Variants in NLRP5 observed in about 807,000 individuals in gnomAD.
NLRP5 encodes NACHT, LRR and PYD domains-containing protein 5.
NLRP5 carries 93 observed loss-of-function variants against 113.1 expected under a neutral mutation model. The observed-to-expected ratio is 0.82, with a 90% CI of 0.70 to 0.98. NLRP5 has a LOEUF of 0.98. NLRP5 is among the 50% of genes least tolerant of loss of function. NLRP5 has a pLI of 0.00. For missense variants in NLRP5, 1,808 were observed against 1,514.3 expected, an observed-to-expected ratio of 1.19 and a Z score of -3.22; for synonymous variants, 751 against 600.7, an observed-to-expected ratio of 1.25 and a Z score of -3.66.
At chr19:56,033,156 C>T (rs1433420482) in intron 8 of NLRP5, among the ~76,000 whole-genome samples, 1 of 152,094 alleles carries the variant, frequency 6.6e-6, no homozygotes, top group African/African-American at 2.4e-5. Context: ...GAGGCTGAGG[C>T]AGGGGAATTG....
At chr19:56,022,242 C>T (rs949248927) in intron 6 of NLRP5, among the ~76,000 whole-genome samples, 2 of 152,060 alleles carry the variant, frequency 1.3e-5, no homozygotes, top group Non-Finnish European at 2.9e-5. Context: ...TTTTTTGAAA[C>T]AGGGTCTTGC....
chr19:56,040,728 G>A (rs982954760), intron 10 of NLRP5, among the ~76,000 whole-genome samples, 194 bp from the exon 11 acceptor site: 1 of 152,170 alleles, frequency 6.6e-6, no homozygotes, highest in African/African-American at 2.4e-5. Context: ...ACAATACTTA[G>A]AGTATTCTTT....
rs750951076 is a variant in NLRP5, at chr19:56,027,590, C to A, written c.1357C>A (p.Gln453Lys). Residue 453 changes from glutamine (Q) to lysine (K), a missense_variant, in exon 7 of 15, where the codon CAA (glutamine) becomes AAA (lysine). By Grantham distance (53) the Gln-to-Lys change is moderately conservative (BLOSUM62 1). Coordinates refer to ENST00000390649, the MANE Select transcript of NLRP5 (RefSeq NM_153447.4). ...CGGGATTGGTGAGCATCAGAAGACA[C>A]AAGGGTTGCGTGCGATCATGAACAA... The A allele has an allele frequency of 5.0e-6, 8 of 1,613,930 alleles. No homozygotes were observed. Among genetic ancestry groups the A allele is most frequent in the East Asian group, 2.2e-5 (1 of 44,880 alleles).
chr19:56,006,614 C>T (rs1407951276), intron 2 of NLRP5, among the ~76,000 whole-genome samples: 3 of 151,988 alleles, frequency 2.0e-5, no homozygotes, highest in Non-Finnish European at 4.4e-5. Flanking sequence ...CACCTGTAAT[C>T]CCAGCTACTT....
chr19:56,028,563 ACTG>A, intron 7 of NLRP5, 54 bp downstream of exon 7: 1 of 1,498,512 alleles, frequency 6.7e-7, no homozygotes, highest in Non-Finnish European at 9.1e-7. Context: ...CTGTGTCTCT[ACTG>A]CTGGGACTTG....
chr19:56,051,525 C>T (rs1490222566), intron 12 of NLRP5, among the ~76,000 whole-genome samples: 1 of 152,174 alleles, frequency 6.6e-6, no homozygotes, highest in Middle Eastern at 3.2e-3. Flanking sequence ...ATGTGGCAGG[C>T]AGAGCACTAA....
At chr19:56,008,746 T>C in intron 2 of NLRP5, 42 bp from the exon 3 acceptor site, 2 of 1,544,818 alleles carry the variant, frequency 1.3e-6, no homozygotes, top group Non-Finnish European at 1.8e-6. Context: ...GTAATTACAG[T>C]GACTTCATTG....
At chr19:56,048,977 T>TTAA (rs1555770465) in intron 11 of NLRP5, among the ~76,000 whole-genome samples, 11 of 115,370 alleles carry the variant, frequency 9.5e-5, no homozygotes, top group African/African-American at 1.6e-4. Flanking sequence ...TTTTTTTTTT[T>TTAA]AATTTTTTTT....
At chr19:56,031,917 G>C (rs772629601) in intron 7 of NLRP5, among the ~76,000 whole-genome samples, 4 of 152,094 alleles carry the variant, frequency 2.6e-5, no homozygotes, top group African/African-American at 9.7e-5. Flanking sequence ...AGTTCTTCCG[G>C]GTATACACCC....
At chr19:56,030,809 G>A in intron 7 of NLRP5, among the ~76,000 whole-genome samples, 1 of 135,666 alleles carries the variant, frequency 7.4e-6, no homozygotes, top group Non-Finnish European at 1.5e-5. Context: ...CCACCTCCTG[G>A]GTTCAAGCGA....
At chr19:55,993,737 G>A in the NLRP5 span, among the ~76,000 whole-genome samples, 1 of 149,264 alleles carries the variant, frequency 6.7e-6, no homozygotes, top group Admixed American at 6.7e-5. Flanking sequence ...AGTTTCCCAT[G>A]CCTGGTTTAT....
intron 10 of NLRP5, among the ~76,000 whole-genome samples, chr19:56,038,477 G>T (rs1413896984): frequency 6.6e-6 from 1 of 152,214 alleles, no homozygotes; most frequent in African/African-American, 2.4e-5. Context: ...GCTCTCCTGG[G>T]CGTGAGGCTT....
At chr19:56,050,757 G>A (rs1983905131) in intron 12 of NLRP5, among the ~76,000 whole-genome samples, 169 bp downstream of exon 12, 1 of 152,174 alleles carries the variant, frequency 6.6e-6, no homozygotes, top group Non-Finnish European at 1.5e-5. Context: ...ACACCACGGT[G>A]AGCATGGGAA....
At chr19:56,031,395 A>G (rs192971987) in intron 7 of NLRP5, among the ~76,000 whole-genome samples, 6 of 152,016 alleles carry the variant, frequency 3.9e-5, no homozygotes, top group Non-Finnish European at 7.4e-5. Context: ...TTGGGAGGCC[A>G]AGGTGGGTGG....
chr19:56,015,826 T>C lies in NLRP5; in HGVS notation c.565+28T>C, dbSNP rs987077194. Reference sequence around the variant, plus strand: ...GAATGAAATAGATCTATTCATTTGTTGCCCTCCTGGAAGAAAGTTGGGTGA... The same window carrying C: ...GAATGAAATAGATCTATTCATTTGTCGCCCTCCTGGAAGAAAGTTGGGTGA... On this transcript the variant is annotated intron_variant, in intron 4 of 14. Transcript: ENST00000390649. 3.9e-6 allele frequency: 6 copies of C among 1,524,108 alleles called. No individual in the cohort carries two copies. In the South Asian group the frequency reaches 5.0e-5, roughly 13 times the overall value. The allele number at this position is 1,524,108 out of a possible 1,614,324, so 94.4% of individuals were successfully genotyped here.
At chr19:55,997,077 T>A (rs1981349249), upstream of NLRP5, among the ~76,000 whole-genome samples, 1 of 152,192 alleles carries the variant, frequency 6.6e-6, no homozygotes, top group African/African-American at 2.4e-5. Flanking sequence ...TGCATTTCTC[T>A]GATGGCCAGT....
chr19:56,047,886 T>C (rs1423272591), intron 11 of NLRP5, among the ~76,000 whole-genome samples: 2 of 152,222 alleles, frequency 1.3e-5, no homozygotes, highest in Non-Finnish European at 2.9e-5. Context: ...AGCAATTGTT[T>C]TATGAATTTA....
intron 6 of NLRP5, among the ~76,000 whole-genome samples, chr19:56,025,571 A>G (rs1437651562): frequency 6.2e-5 from 2 of 32,442 alleles, no homozygotes; most frequent in Admixed American, 5.1e-4. Context: ...ATGTCTGGCT[A>G]ACTTTTTTTT....
rs1005877465 is a variant in NLRP5, at chr19:56,028,276, A to C, written c.2043A>C (p.Pro681=). 5.6e-6 allele frequency: 9 copies of C among 1,614,002 alleles called. No individual in the cohort carries two copies. Among genetic ancestry groups the C allele is most frequent in the Non-Finnish European group, 7.6e-6 (9 of 1,179,888 alleles). The stretch of plus-strand genomic sequence containing the variant: ...GTCAGCAGCCTAATGCCACCACCCC[A>C]GGAGACACCCTGGACGCCTTCCACT... The change falls in exon 7 of 15, where the codon CCA becomes CCC. Residue 681 remains proline, a synonymous_variant. Transcript: ENST00000390649.
Sources: allele counts gnomAD v4.1 joint callset (sites outside exome capture counted in the v4.1 genomes callset), GRCh38; gene constraint gnomAD v4.1.1; transcripts MANE v1.5; gene names NCBI Gene and HGNC (gene_info 2026-07-23, HGNC 2026-07-21).